The following AKT3 variants were observed in gnomAD, a reference collection of about 807,000 sequenced individuals.
AKT3 encodes RAC-gamma serine/threonine-protein kinase.
AKT3 carries 15 observed loss-of-function variants against 65.3 expected under a neutral mutation model. The observed-to-expected ratio is 0.23, with a 90% confidence interval of 0.15 to 0.35. The LOEUF (loss-of-function observed/expected upper bound fraction) is 0.35, where lower values mean the gene tolerates loss of function less well. Among genes scored for constraint, AKT3 ranks in the 10% least tolerant of loss-of-function variants. The probability of loss-of-function intolerance (pLI) is 1.00; values close to 1 mark genes in which losing one functional copy is unlikely to be tolerated. For missense variants in AKT3, 243 were observed against 576.5 expected (o/e 0.42, Z 5.92); for synonymous variants, 206 against 183.8 (o/e 1.12, Z -0.98).
At chr1:243,741,999 A>G (rs1688180740) in intron 2 of AKT3, among the ~76,000 whole-genome samples, 1 of 150,990 alleles carries the variant, frequency 6.6e-6, no homozygotes, top group African/African-American at 2.4e-5. Context: ...AGTTTGTGAT[A>G]GGCCATTCTG....
chr1:243,515,475 G>GT (rs1202568445), intron 12 of AKT3, among the ~76,000 whole-genome samples: 3 of 150,612 alleles, frequency 2.0e-5, no homozygotes, highest in South Asian at 4.2e-4. Flanking sequence ...ATTTTTCTTA[G>GT]TTTTTTCTTT....
At chr1:243,619,358 G>A (rs1301000321) in intron 6 of AKT3, among the ~76,000 whole-genome samples, 2 of 152,096 alleles carry the variant, frequency 1.3e-5, no homozygotes, top group African/African-American at 2.4e-5. Context: ...TCTTTATGCT[G>A]GAGACATTCA....
intron 2 of AKT3, among the ~76,000 whole-genome samples, chr1:243,744,768 A>G (rs1214961175): frequency 1.3e-5 from 2 of 151,214 alleles, no homozygotes; most frequent in South Asian, 2.1e-4. Flanking sequence ...AAATTATTAT[A>G]CATAACAGAA....
rs1454293356 is a variant in AKT3 at position 243,500,955 on chromosome 1, GAATA to G, written c.*4290_*4293del. ...CTTAATTCTGTTTTAGATATACTGT[GAATA>G]AATTATACAATATTCTAAAAATAGC... On this transcript the variant is annotated 3_prime_UTR_variant, in exon 14 of 14. Transcript: ENST00000673466. 7 of 227,772 alleles carry G rather than the reference GAATA, an allele frequency of 3.1e-5. No homozygotes were observed. In the East Asian group the frequency reaches 3.2e-4, roughly 10 times the overall value. The allele number at this position is 227,772 out of a possible 1,614,324, so 14.1% of individuals were successfully genotyped here. A position where few individuals can be genotyped will look rare whatever the true frequency, so the allele number is the denominator to read the frequency against.
At chr1:243,593,702 A>T (rs1292016117) in intron 8 of AKT3, among the ~76,000 whole-genome samples, 3 of 152,144 alleles carry the variant, frequency 2.0e-5, no homozygotes, top group African/African-American at 7.2e-5. Flanking sequence ...TAAATAAACA[A>T]CCATATGATC....
intron 8 of AKT3, 44 bp downstream of exon 8, chr1:243,613,627 T>C: frequency 7.2e-7 from 1 of 1,392,100 alleles, no homozygotes; most frequent in Non-Finnish European, 9.8e-7. Flanking sequence ...TTTAAAATAA[T>C]GAAAATACTA....
intron 13 of AKT3, among the ~76,000 whole-genome samples, chr1:243,489,312 C>T (rs1285886394): frequency 6.6e-6 from 1 of 152,248 alleles, no homozygotes; most frequent in Non-Finnish European, 1.5e-5. Flanking sequence ...AGAAGCGGAG[C>T]CATGGGCCCG....
At chr1:243,580,849 C>T (rs1675289110) in intron 8 of AKT3, among the ~76,000 whole-genome samples, 2 of 152,138 alleles carry the variant, frequency 1.3e-5, no homozygotes, top group African/African-American at 2.4e-5. Context: ...GTAGCCTGAG[C>T]CACCGCACTC....
intron 11 of AKT3, among the ~76,000 whole-genome samples, chr1:243,549,597 AT>A (rs963691986): frequency 1.3e-5 from 2 of 150,522 alleles, no homozygotes; most frequent in Middle Eastern, 3.4e-3. Context: ...CCAGCATTTT[AT>A]TTTTTTTTAG....
At chr1:243,495,389 G>A (rs1667555839), downstream of AKT3, among the ~76,000 whole-genome samples, 1 of 152,238 alleles carries the variant, frequency 6.6e-6, no homozygotes, top group Non-Finnish European at 1.5e-5. Flanking sequence ...GAGCCCAGAA[G>A]CAGCAAAGCC....
intron 6 of AKT3, among the ~76,000 whole-genome samples, chr1:243,619,258 C>T (rs890145947): frequency 2.0e-5 from 3 of 152,058 alleles, no homozygotes; most frequent in East Asian, 1.9e-4. Flanking sequence ...TATACATTTT[C>T]GGGGTACATG....
At chr1:243,533,674 A>C (rs1671703511) in intron 12 of AKT3, among the ~76,000 whole-genome samples, 1 of 152,246 alleles carries the variant, frequency 6.6e-6, no homozygotes, top group South Asian at 2.1e-4. Flanking sequence ...ACACACAAAG[A>C]AACAGCAAGG....
intron 2 of AKT3, among the ~76,000 whole-genome samples, chr1:243,704,587 T>G (rs1465264074): frequency 6.6e-6 from 1 of 152,148 alleles, no homozygotes; most frequent in Non-Finnish European, 1.5e-5. Context: ...CGATGATATT[T>G]GTTGGTTTGA....
upstream of AKT3, among the ~76,000 whole-genome samples, chr1:243,850,764 G>C (rs1404735256): frequency 2.0e-5 from 3 of 150,098 alleles, no homozygotes; most frequent in Non-Finnish European, 3.0e-5. Flanking sequence ...CCCCAAACCA[G>C]CGGTGCCCCG....
intron 12 of AKT3, 50 bp from the exon 13 acceptor site, chr1:243,512,476 A>C (rs1670078157): frequency 8.5e-7 from 1 of 1,181,960 alleles, no homozygotes; most frequent in East Asian, 2.4e-5. Context: ...AATTCAGGAA[A>C]ATTCCTTTCT....
intron 2 of AKT3, among the ~76,000 whole-genome samples, chr1:243,781,192 C>T (rs148772439): frequency 1.3e-5 from 2 of 152,044 alleles, no homozygotes; most frequent in Admixed American, 1.3e-4. Flanking sequence ...TTTTACTTTA[C>T]ATTTTTAAAG....
intron 6 of AKT3, among the ~76,000 whole-genome samples, chr1:243,628,637 T>A (rs900350932): frequency 6.6e-6 from 1 of 152,176 alleles, no homozygotes; most frequent in African/African-American, 2.4e-5. Context: ...TTTGGAACCA[T>A]CTGTAAAGCT....
intron 8 of AKT3, among the ~76,000 whole-genome samples, chr1:243,578,377 T>A (rs1288169515): frequency 6.6e-6 from 1 of 152,156 alleles, no homozygotes; most frequent in East Asian, 1.9e-4. Flanking sequence ...GCTCATGTCC[T>A]CTGCAGGGAC....
intron 4 of AKT3, among the ~76,000 whole-genome samples, chr1:243,647,285 T>C (rs187536519): frequency 1.7e-3 from 252 of 152,346 alleles, no homozygotes; most frequent in African/African-American, 5.9e-3. Context: ...GTACCCTTCC[T>C]ATGCTTATAT....
Sources: allele counts gnomAD v4.1 joint callset (sites outside exome capture counted in the v4.1 genomes callset), GRCh38; gene constraint gnomAD v4.1.1; transcripts MANE v1.5; gene names NCBI Gene and HGNC (gene_info 2026-07-23, HGNC 2026-07-21).